Variants in ABCG8 observed in about 807,000 individuals in gnomAD.
ABCG8 encodes the protein ATP binding cassette subfamily G member 8, also known as ATP-binding cassette sub-family G member 8.
A neutral mutation model predicts 71.3 loss-of-function variants in ABCG8; 81 were observed. The observed-to-expected ratio is 1.14, with a 90% CI of 0.95 to 1.37. The LOEUF is 1.37. Ranked by LOEUF, ABCG8 falls within the 40% of genes most tolerant of loss-of-function variation. ABCG8 has a pLI of 0.00. For synonymous variants in ABCG8, 451 were observed against 354.7 expected, an observed-to-expected ratio of 1.27 and a Z score of -3.05; for missense variants, 1,119 against 866.2, an observed-to-expected ratio of 1.29 and a Z score of -3.66.
At chr2:43,839,403 C>CTTTTTTTTTTTTTTTTTTTTTTTTTTTTT (rs537784677) in intron 1 of ABCG8, among the ~76,000 whole-genome samples, 2 of 59,310 alleles carry the variant, frequency 3.4e-5, no homozygotes, top group Non-Finnish European at 6.4e-5. Context: ...CTTTTCTTCT[C>CTTTTTTTTTTTTTTTTTTTTTTTTTTTTT]TTTTTTTTTT....
intron 6 of ABCG8, among the ~76,000 whole-genome samples, chr2:43,855,615 T>C (rs1359992110): frequency 6.6e-6 from 1 of 152,188 alleles, no homozygotes; most frequent in African/African-American, 2.4e-5. Context: ...TATCACTCTC[T>C]GGATAGAAAT....
In ABCG8 at chr2:43,852,431, G is replaced by A; in HGVS notation, c.639G>A (p.Leu213=). The A allele has an allele frequency of 6.2e-7, 1 of 1,612,846 alleles. No individual in the cohort carries two copies. The highest frequency in any genetic ancestry group is 8.5e-7 in the Non-Finnish European group (1 of 1,180,018). The change falls in exon 5 of 13, where the codon TTG becomes TTA. Residue 213 remains leucine, a synonymous_variant. Transcript: ENST00000272286. The stretch of plus-strand genomic sequence containing the variant: ...TGGGCAACATGTACGTGCGGGGGTT[G>A]TCGGGGGGTGAGCGCAGGAGAGTCA... The part of the protein sequence containing the change: ...TRVGNMYVRG[L]SGGERRRVSI...
In ABCG8 at chr2:43,871,359, G is replaced by T. The variant is rs75574645; in HGVS notation, c.965-617G>T. ...AGAACTCTCACTATCTGGATAGAAT[G>T]CTCACTCTCTGGATAGAACTCTCAC... On this transcript the variant is annotated intron_variant, in intron 6 of 12. Transcript: ENST00000272286. 6.5e-3 allele frequency among the ~76,000 whole-genome samples: 749 copies of T among 114,910 alleles called. 2 individuals carry two copies. Among genetic ancestry groups the T allele is most frequent in the Middle Eastern group, 0.032 (4 of 126 alleles). 75.4% of individuals were successfully genotyped at this position (114,910 alleles called of 152,430 possible). A position where few individuals can be genotyped will look rare whatever the true frequency, so the allele number is the denominator to read the frequency against.
At chr2:43,849,713 T>C (rs538447057) in intron 3 of ABCG8, among the ~76,000 whole-genome samples, 14 of 152,284 alleles carry the variant, frequency 9.2e-5, no homozygotes, top group African/African-American at 3.4e-4. Flanking sequence ...GGTGAAGTCC[T>C]CTGTGTCCCT....
chr2:43,861,719 A>G (rs1349001822), intron 6 of ABCG8, among the ~76,000 whole-genome samples: 1 of 150,738 alleles, frequency 6.6e-6, no homozygotes, highest in African/African-American at 2.4e-5. Context: ...CTCCCCAGAT[A>G]GTGGACACTA....
rs753068508 is a variant in ABCG8, at chr2:43,846,315, C to G, written c.322+4C>G. On this transcript the variant is annotated splice_donor_region_variant and intron_variant, in intron 3 of 12. Transcript: ENST00000272286. Reference sequence around the variant, plus strand: ...CTGGCCATCATAGGGAGCTCAGGTACCGGAAAGGCAAATCGCTGGGCAATG... The same window carrying G: ...CTGGCCATCATAGGGAGCTCAGGTAGCGGAAAGGCAAATCGCTGGGCAATG... 18 of 1,614,138 alleles carry G rather than the reference C, an allele frequency of 1.1e-5. No homozygotes were observed. Among genetic ancestry groups the G allele is most frequent in the Non-Finnish European group, 1.5e-5 (18 of 1,180,010 alleles).
intron 1 of ABCG8, among the ~76,000 whole-genome samples, chr2:43,841,159 C>A (rs1200309339): frequency 2.6e-5 from 4 of 152,192 alleles, no homozygotes; most frequent in Non-Finnish European, 5.9e-5. Flanking sequence ...AACCCTCCAG[C>A]CGTGAGTGTC....
At chr2:43,876,492 TAGG>T (rs1026549103) in intron 11 of ABCG8, among the ~76,000 whole-genome samples, 1 of 151,280 alleles carries the variant, frequency 6.6e-6, no homozygotes, top group African/African-American at 2.4e-5. Context: ...ACCATGAGAA[TAGG>T]AGGAGACCGT....
At chr2:43,851,448 G>C (rs1328589940) in intron 3 of ABCG8, 136 bp from the exon 4 acceptor site, 2 of 972,314 alleles carry the variant, frequency 2.1e-6, no homozygotes, top group African/African-American at 3.2e-5. Flanking sequence ...CAGGGACTAT[G>C]CCACCTCTCT....
chr2:43,853,497 G>A (rs1309970095), intron 6 of ABCG8, among the ~76,000 whole-genome samples: 1 of 152,192 alleles, frequency 6.6e-6, no homozygotes, highest in Non-Finnish European at 1.5e-5. Flanking sequence ...TGCTGGACAG[G>A]CGTCATGGTT....
At position 43,852,385 on chromosome 2, in the gene ABCG8, G is replaced by T. The variant is rs777258651; in HGVS notation, c.593G>T (p.Arg198Met). The change falls in exon 5 of 13, where the codon AGG becomes ATG. Residue 198 changes from arginine to methionine, a missense_variant. By Grantham distance (91) the Arg-to-Met change is moderately conservative (BLOSUM62 -1). Transcript: ENST00000272286. ...VEDVIAELRL[R>M]QCADTRVGNM... Reference sequence around the variant, plus strand: ...GACGTGATCGCGGAGCTGCGGCTTAGGCAGTGCGCTGACACCCGCGTGGGC... The same window carrying T: ...GACGTGATCGCGGAGCTGCGGCTTATGCAGTGCGCTGACACCCGCGTGGGC... 5.0e-5 allele frequency: 80 copies of T among 1,612,188 alleles called. 1 individual carries two copies. The highest frequency in any genetic ancestry group is 4.8e-4 in the South Asian group (44 of 91,006).
chr2:43,845,119 T>A (rs950548752), intron 2 of ABCG8, among the ~76,000 whole-genome samples: 6 of 129,068 alleles, frequency 4.6e-5, no homozygotes, highest in African/African-American at 1.4e-4. Context: ...TATATATATA[T>A]AATTTTTTTT....
In ABCG8 at chr2:43,881,727, C is replaced by CAAAA. The variant is rs1670136993; in HGVS notation, c.*3814_*3815insAAAA. On this transcript the variant is annotated 3_prime_UTR_variant, in exon 13 of 13. Coordinates refer to ENST00000272286, the MANE Select transcript of ABCG8 (RefSeq NM_022437.3). The stretch of plus-strand genomic sequence containing the variant: ...TGTCTCAAAAAAAAAAAAAAAAAAC[C>CAAAA]CAAGGCTCTCGAGGCATGCATGCTG... 3 of 121,460 alleles carry CAAAA rather than the reference C, an allele frequency of 2.5e-5. 1 individual carries two copies. Among genetic ancestry groups the CAAAA allele is most frequent in the Non-Finnish European group, 3.6e-5 (2 of 55,478 alleles). 7.5% of individuals were successfully genotyped at this position (121,460 alleles called of 1,614,324 possible).
intron 11 of ABCG8, among the ~76,000 whole-genome samples, chr2:43,877,330 A>T (rs1669991191): frequency 6.6e-6 from 1 of 151,040 alleles, no homozygotes; most frequent in African/African-American, 2.4e-5. Context: ...GACCACATCA[A>T]TATAAAGGAG....
At position 43,880,125 on chromosome 2, in the gene ABCG8, A is replaced by C. The variant is rs944853205; in HGVS notation, c.*2212A>C. ...TTCTGCATCCTTTTGATATGTCCTC[A>C]TCATCCTTTGAGGGCTGAAACAACC... On this transcript the variant is annotated 3_prime_UTR_variant, in exon 13 of 13. Coordinates refer to ENST00000272286, the MANE Select transcript of ABCG8 (RefSeq NM_022437.3). The C allele has an allele frequency of 6.7e-6, 1 of 149,368 alleles. No individual in the cohort carries two copies. Among genetic ancestry groups the C allele is most frequent in the Non-Finnish European group, 1.5e-5 (1 of 67,670 alleles). The allele number at this position is 149,368 out of a possible 1,614,324, so 9.3% of individuals were successfully genotyped here. A position where few individuals can be genotyped will look rare whatever the true frequency, so the allele number is the denominator to read the frequency against.
intron 11 of ABCG8, among the ~76,000 whole-genome samples, chr2:43,875,995 A>G (rs1669947500): frequency 6.6e-6 from 1 of 151,918 alleles, no homozygotes; most frequent in South Asian, 2.1e-4. Flanking sequence ...TCCATGGGGC[A>G]TCTCTTCTGC....
At chr2:43,851,909 AC>A in intron 4 of ABCG8, 87 bp downstream of exon 4, 1 of 1,449,658 alleles carries the variant, frequency 6.9e-7, no homozygotes, top group Non-Finnish European at 9.6e-7. Flanking sequence ...TTGCCTCAGG[AC>A]CCAGCCGCAG....
chr2:43,870,128 A>C lies in ABCG8; in HGVS notation c.965-1848A>C, dbSNP rs151001691. 1.4e-4 allele frequency among the ~76,000 whole-genome samples: 21 copies of C among 150,890 alleles called. No homozygotes were observed. The Middle Eastern group carries it at 0.011, about 76-fold the overall frequency. The stretch of plus-strand genomic sequence containing the variant: ...CTCTCAGTCTCTGGATAGAATTCTC[A>C]CTGTCTGGATGGAACTCTCACTACC... On this transcript the variant is annotated intron_variant, in intron 6 of 12. Coordinates refer to ENST00000272286, the MANE Select transcript of ABCG8 (RefSeq NM_022437.3).
intron 6 of ABCG8, among the ~76,000 whole-genome samples, chr2:43,868,332 T>A (rs1012713970): frequency 5.5e-4 from 83 of 152,044 alleles, no homozygotes; most frequent in Non-Finnish European, 1.0e-3. Context: ...ACTATCTGTC[T>A]GGTAGAATTC....
Sources: allele counts gnomAD v4.1 joint callset (sites outside exome capture counted in the v4.1 genomes callset), GRCh38; gene constraint gnomAD v4.1.1; transcripts MANE v1.5; gene names NCBI Gene and HGNC (gene_info 2026-07-23, HGNC 2026-07-21).